UGT1A4: variants seen among roughly 807,000 people sequenced by gnomAD.
The protein encoded by UGT1A4 is UDP-glucuronosyltransferase 1A4.
UGT1A4 carries 32 observed loss-of-function variants against 41.1 expected under a neutral mutation model. The observed-to-expected ratio is 0.78, with a 90% confidence interval of 0.59 to 1.05. The LOEUF is 1.05. Ranked by LOEUF, UGT1A4 falls within the 50% of genes least tolerant of loss-of-function variation. The probability of loss-of-function intolerance (pLI) is 0.00; values close to 1 mark genes in which losing one functional copy is unlikely to be tolerated. For synonymous variants in UGT1A4, 283 were observed against 265.1 expected (o/e 1.07, Z -0.66); for missense variants, 748 against 677.4 (o/e 1.10, Z -1.16).
chr2:233,754,484 A>G (rs1052764550), intron 1 of UGT1A4: 3 of 358,432 alleles, frequency 8.4e-6, no homozygotes, highest in African/African-American at 2.1e-5. Context: ...TTCACTTTCA[A>G]TCCTAAAAAA....
chr2:233,745,687 G>A (rs1693175005), intron 1 of UGT1A4, among the ~76,000 whole-genome samples: 1 of 150,802 alleles, frequency 6.6e-6, no homozygotes, highest in Non-Finnish European at 1.5e-5. Context: ...ATCAAAGCAA[G>A]TTTGGAGAAC....
chr2:233,757,111 A>C (rs13404099), intron 1 of UGT1A4, among the ~76,000 whole-genome samples: 1 of 151,320 alleles, frequency 6.6e-6, no homozygotes, highest in East Asian at 2.0e-4. Context: ...GGCAAGCAGA[A>C]GGGCTAGAGA....
At chr2:233,724,236 C>T (rs1274284123) in intron 1 of UGT1A4, among the ~76,000 whole-genome samples, 29 of 110,938 alleles carry the variant, frequency 2.6e-4, no homozygotes, top group East Asian at 8.5e-4. Flanking sequence ...TAGGGGCGGC[C>T]GGGCAGAGGC....
chr2:233,734,036 A>G (rs1235015147), intron 1 of UGT1A4, among the ~76,000 whole-genome samples: 1 of 152,130 alleles, frequency 6.6e-6, no homozygotes. Context: ...CAGCACACCA[A>G]CATGGCACAT....
chr2:233,758,139 G>T (rs553073565), intron 1 of UGT1A4, among the ~76,000 whole-genome samples: 1 of 152,336 alleles, frequency 6.6e-6, no homozygotes, highest in East Asian at 1.9e-4. Flanking sequence ...TGGCAGATGA[G>T]GGAATTAGCA....
intron 1 of UGT1A4, chr2:233,722,037 T>C (rs1179266679): frequency 1.2e-5 from 3 of 240,304 alleles, no homozygotes; most frequent in African/African-American, 2.3e-5. Flanking sequence ...AATTGCATGA[T>C]TTTGTGGTGT....
At chr2:233,734,262 T>A (rs1260850291) in intron 1 of UGT1A4, among the ~76,000 whole-genome samples, 1 of 152,214 alleles carries the variant, frequency 6.6e-6, no homozygotes, top group Admixed American at 6.5e-5. Flanking sequence ...GGAGGGTGTA[T>A]GTGTCCAGGA....
Position 233,767,941 on chromosome 2 carries a change from G to A in UGT1A4, c.1087+5G>A. The A allele has an allele frequency of 1.2e-6, 2 of 1,614,200 alleles. No homozygotes were observed. Among genetic ancestry groups the A allele is most frequent in the South Asian group, 1.1e-5 (1 of 91,084 alleles). On this transcript the variant is annotated splice_donor_5th_base_variant and intron_variant, in intron 3 of 4. Coordinates refer to ENST00000373409, the MANE Select transcript of UGT1A4 (RefSeq NM_007120.3). ...TACCCCAAAACGATCTGCTTGGTAT[G>A]TTGGGCGGATTGGATGTATAGGTCA...
chr2:233,747,148 T>C (rs2125883163), intron 1 of UGT1A4: 2 of 1,570,870 alleles, frequency 1.3e-6, no homozygotes, highest in Non-Finnish European at 1.7e-6. Flanking sequence ...GTAATTAAGA[T>C]GAAGAAAACA....
At chr2:233,758,038 C>G (rs1696781117) in intron 1 of UGT1A4, among the ~76,000 whole-genome samples, 1 of 152,188 alleles carries the variant, frequency 6.6e-6, no homozygotes, top group Admixed American at 6.5e-5. Flanking sequence ...CCCCTCCTTT[C>G]AGGCAAGGAC....
In UGT1A4 at chr2:233,769,690, G is replaced by A; in HGVS notation, c.1307+1251G>A. ...GTGCTAATGTGTGTGTGGTGGCACT[G>A]GATAAAAGATCAATGTTGGCTAGGC... On this transcript the variant is annotated intron_variant, in intron 4 of 4. Transcript: ENST00000373409. The surrounding 1 kb of genome is among the most constrained non-coding windows in gnomAD (Gnocchi z 4.4). The A allele has an allele frequency of 6.5e-7, 1 of 1,547,510 alleles. No homozygotes were observed. Among genetic ancestry groups the A allele is most frequent in the African/African-American group, 1.4e-5 (1 of 73,636 alleles).
At chr2:233,760,269 T>C (rs1697378310) in intron 1 of UGT1A4, 1 of 1,612,212 alleles carries the variant, frequency 6.2e-7, no homozygotes, top group Admixed American at 1.7e-5. Flanking sequence ...GGCGAACCTC[T>C]GGCAGGAGCA....
At position 233,731,167 on chromosome 2, in the gene UGT1A4, AT is replaced by A. The variant is rs1179116589; in HGVS notation, c.867+11487del. On this transcript the variant is annotated intron_variant, in intron 1 of 4. Transcript: ENST00000373409. ...TTTTTCTTTTTGATCAAACGACATG[AT>A]TTTTTTATGCAATGTAATTATTCAA... is the stretch of plus-strand genomic sequence containing the variant. 9.2e-5 allele frequency among the ~76,000 whole-genome samples: 14 copies of A among 151,914 alleles called. No homozygotes were observed. The East Asian group carries it at 1.4e-3, about 15-fold the overall frequency.
intron 2 of UGT1A4, 138 bp from the exon 3 acceptor site, chr2:233,767,711 C>A: frequency 2.6e-6 from 4 of 1,531,084 alleles, no homozygotes; most frequent in Non-Finnish European, 3.5e-6. Context: ...TCCTCAGAAG[C>A]CTTCACAGTT....
At chr2:233,722,546 CT>C (rs1401717702) in intron 1 of UGT1A4, among the ~76,000 whole-genome samples, 1 of 152,096 alleles carries the variant, frequency 6.6e-6, no homozygotes, top group East Asian at 1.9e-4. Context: ...ATCCTAGTTT[CT>C]TTTGGTTGAT....
At chr2:233,721,293 A>G (rs2076934604) in intron 1 of UGT1A4, among the ~76,000 whole-genome samples, 2 of 152,196 alleles carry the variant, frequency 1.3e-5, no homozygotes, top group African/African-American at 4.8e-5. Flanking sequence ...TTAGGAAGGC[A>G]TTTGAATAGT....
chr2:233,768,267 GT>G lies in UGT1A4; in HGVS notation c.1138del (p.Tyr380MetfsTer11). Reference protein sequence around the residue: ...AFITHAGSHGVYESICNGVPM... With the variant: ...AFITHAGSHGXYESICNGVPM... The stretch of plus-strand genomic sequence containing the variant: ...TATCACCCATGCTGGTTCCCATGGT[GT>G]TTATGAAAGCATATGCAATGGCGTT... On this transcript the variant is annotated frameshift_variant, in exon 4 of 5. Coordinates refer to ENST00000373409, the MANE Select transcript of UGT1A4 (RefSeq NM_007120.3). LOFTEE classifies it high-confidence loss of function. 6.2e-7 allele frequency: 1 copy of G among 1,614,160 alleles called. No homozygotes were observed. The highest frequency in any genetic ancestry group is 8.5e-7 in the Non-Finnish European group (1 of 1,180,032).
chr2:233,720,054 T>A (rs1306889696), intron 1 of UGT1A4, among the ~76,000 whole-genome samples: 1 of 152,204 alleles, frequency 6.6e-6, no homozygotes, highest in African/African-American at 2.4e-5. Context: ...TGAACGGTGA[T>A]GCAACAGTAA....
intron 1 of UGT1A4, chr2:233,755,267 T>C (rs1315366268): frequency 1.1e-5 from 8 of 759,504 alleles, no homozygotes; most frequent in East Asian, 5.3e-5. Flanking sequence ...AGTAGTCCAC[T>C]ATGCTGGACT....
Sources: gnomAD v4.1 joint callset for allele counts (sites outside exome capture counted in the v4.1 genomes callset) on GRCh38, gnomAD v4.1.1 for gene constraint, Gnocchi (gnomAD v3.1) non-coding constraint, MANE v1.5 for transcripts, NCBI Gene and HGNC (gene_info 2026-07-23, HGNC 2026-07-21) for gene names.